Variants in NRXN3 observed in about 807,000 individuals in gnomAD.
The protein encoded by NRXN3 is neurexin 3.
A neutral mutation model predicts 137.6 loss-of-function variants in NRXN3; 32 were observed. The observed-to-expected ratio is 0.23, with a 90% CI of 0.18 to 0.31. The LOEUF (loss-of-function observed/expected upper bound fraction) is 0.31. NRXN3 is among the 10% of genes least tolerant of loss of function. The pLI, the probability that NRXN3 is intolerant of heterozygous loss-of-function variation, is 1.00. For synonymous variants in NRXN3, 798 were observed against 784.5 expected (o/e 1.02, Z -0.29); for missense variants, 1,574 against 2,062.5 (o/e 0.76, Z 4.59).
chr14:79,416,217 A>T lies in NRXN3; in HGVS notation c.3263-51004A>T, dbSNP rs117125030. Among the ~76,000 whole-genome samples the T allele has an allele frequency of 2.7e-3, 417 of 152,246 alleles. 3 individuals are homozygous for T. Among genetic ancestry groups the T allele is most frequent in the Middle Eastern group, 6.8e-3 (2 of 294 alleles). On this transcript the variant is annotated intron_variant, in intron 15 of 20. Transcript: ENST00000335750. Reference sequence around the variant, plus strand: ...ATTCTTTTCTTTTAAACCTCCTGGCAACCTTCTCTTTTGCTGCCTGGTCAA... The same window carrying T: ...ATTCTTTTCTTTTAAACCTCCTGGCTACCTTCTCTTTTGCTGCCTGGTCAA...
chr14:79,073,538 G>A (rs2099691138), intron 15 of NRXN3, among the ~76,000 whole-genome samples: 1 of 152,122 alleles, frequency 6.6e-6, no homozygotes, highest in Non-Finnish European at 1.5e-5. Context: ...TAATCTATGT[G>A]ATAGAAGTTA....
Position 79,811,581 on chromosome 14 carries a change from C to CTTTTTTTT in NRXN3, c.4093+6402_4093+6409dup, listed in dbSNP as rs370942970. Among the ~76,000 whole-genome samples the CTTTTTTTT allele has an allele frequency of 5.2e-3, 607 of 116,474 alleles. 1 individual carries two copies. Among genetic ancestry groups the CTTTTTTTT allele is most frequent in the East Asian group, 7.4e-3 (30 of 4,078 alleles). The allele number at this position is 116,474 out of a possible 152,430, so 76.4% of individuals were successfully genotyped here. On this transcript the variant is annotated intron_variant, in intron 20 of 20. Transcript: ENST00000335750. ...CACTTTCTTTTCTTTTTTCTTTTTTCTTTTTTTTTTTTTTTTTTGAGATGG... is the reference window on the plus strand; with the variant it reads ...CACTTTCTTTTCTTTTTTCTTTTTTCTTTTTTTTTTTTTTTTTTTTTTTTTTGAGATGG...
chr14:79,105,306 A>G (rs2052197462), intron 15 of NRXN3, among the ~76,000 whole-genome samples: 1 of 152,174 alleles, frequency 6.6e-6, no homozygotes, highest in Non-Finnish European at 1.5e-5. Context: ...CCAAAAAAAG[A>G]ACTTCTTCAG....
At chr14:79,522,997 C>T (rs2097082918) in intron 16 of NRXN3, among the ~76,000 whole-genome samples, 1 of 152,070 alleles carries the variant, frequency 6.6e-6, no homozygotes, top group South Asian at 2.1e-4. Context: ...TGTTTTCTTG[C>T]TTACTTGCTT....
At chr14:79,204,115 A>G (rs948964933) in intron 15 of NRXN3, among the ~76,000 whole-genome samples, 2 of 152,096 alleles carry the variant, frequency 1.3e-5, no homozygotes, top group African/African-American at 4.8e-5. Context: ...TCCCACTCAC[A>G]AGTAAGATTG....
chr14:79,621,682 T>G (rs1052483037), intron 16 of NRXN3, among the ~76,000 whole-genome samples: 16 of 152,168 alleles, frequency 1.1e-4, no homozygotes, highest in African/African-American at 3.9e-4. Context: ...TCAGAATGGC[T>G]TTGAACAATG....
At chr14:79,232,839 T>C (rs1354201413) in intron 15 of NRXN3, among the ~76,000 whole-genome samples, 1 of 152,214 alleles carries the variant, frequency 6.6e-6, no homozygotes, top group Non-Finnish European at 1.5e-5. Context: ...TAAAGTTTTC[T>C]TGTAGCACCT....
chr14:78,183,533 G>A (rs1056888305), intron 1 of NRXN3, among the ~76,000 whole-genome samples: 1 of 152,180 alleles, frequency 6.6e-6, no homozygotes, highest in African/African-American at 2.4e-5. Flanking sequence ...TGTCAATGGG[G>A]CATGATAAAA....
chr14:79,208,650 T>G (rs1340651901), intron 15 of NRXN3, among the ~76,000 whole-genome samples: 1 of 152,216 alleles, frequency 6.6e-6, no homozygotes, highest in Non-Finnish European at 1.5e-5. Flanking sequence ...ACCTATATTC[T>G]ATTGTATGAA....
chr14:79,613,640 C>T lies in NRXN3; in HGVS notation c.3445-50138C>T, dbSNP rs542505550. Among the ~76,000 whole-genome samples the T allele has an allele frequency of 2.1e-4, 32 of 152,306 alleles. No homozygotes were observed. The South Asian group carries it at 6.0e-3, about 29-fold the overall frequency. On this transcript the variant is annotated intron_variant, in intron 16 of 20. Coordinates refer to ENST00000335750, the MANE Select transcript of NRXN3 (RefSeq NM_001330195.2). ...AAAATTCCATGTGACCCAAATACTA[C>T]CAAATCCTAAAAGATTTAACTAACT... is the stretch of plus-strand genomic sequence containing the variant.
At chr14:78,195,380 C>G (rs754412237) in intron 1 of NRXN3, among the ~76,000 whole-genome samples, 1 of 152,160 alleles carries the variant, frequency 6.6e-6, no homozygotes, top group Non-Finnish European at 1.5e-5. Flanking sequence ...AGATGTAGCA[C>G]TCAAGGCACC....
At chr14:78,201,640 C>T (rs1040816290) in intron 1 of NRXN3, among the ~76,000 whole-genome samples, 12 of 152,126 alleles carry the variant, frequency 7.9e-5, no homozygotes, top group East Asian at 3.9e-4. Context: ...TGAGAGAACA[C>T]GCACAAATCT....
At chr14:78,271,572 C>CT (rs2072755429) in intron 2 of NRXN3, among the ~76,000 whole-genome samples, 1 of 152,112 alleles carries the variant, frequency 6.6e-6, no homozygotes, top group Non-Finnish European at 1.5e-5. Context: ...AACCCTGTTT[C>CT]CTCAAGCCAG....
intron 10 of NRXN3, among the ~76,000 whole-genome samples, chr14:78,917,007 C>T (rs2099257028): frequency 6.6e-6 from 1 of 152,142 alleles, no homozygotes; most frequent in East Asian, 1.9e-4. Flanking sequence ...GCCCTCATGC[C>T]ATAATTTTAA....
At chr14:79,121,779 C>T (rs563865366) in intron 15 of NRXN3, among the ~76,000 whole-genome samples, 4 of 152,304 alleles carry the variant, frequency 2.6e-5, no homozygotes, top group African/African-American at 9.6e-5. Flanking sequence ...ACATACACTT[C>T]GTGCAAATAC....
At chr14:78,571,033 A>C (rs996792342) in intron 4 of NRXN3, among the ~76,000 whole-genome samples, 1 of 152,164 alleles carries the variant, frequency 6.6e-6, no homozygotes, top group African/African-American at 2.4e-5. Context: ...AGACAGTCCC[A>C]GTTGGGCTTA....
At chr14:79,315,918 G>T (rs1020256282) in intron 15 of NRXN3, among the ~76,000 whole-genome samples, 2 of 152,188 alleles carry the variant, frequency 1.3e-5, no homozygotes, top group African/African-American at 4.8e-5. Flanking sequence ...GCGAGATATG[G>T]CCCTTTGGGG....
intron 4 of NRXN3, among the ~76,000 whole-genome samples, chr14:78,516,371 G>A (rs2096207718): frequency 6.7e-6 from 1 of 149,548 alleles, no homozygotes; most frequent in Non-Finnish European, 1.5e-5. Context: ...AGAAGGAATT[G>A]GGGCTAGGCT....
At chr14:78,372,086 G>GA (rs1217392871) in intron 4 of NRXN3, among the ~76,000 whole-genome samples, 2 of 149,948 alleles carry the variant, frequency 1.3e-5, no homozygotes, top group Non-Finnish European at 3.0e-5. Flanking sequence ...GTTTGTCTTA[G>GA]AAAAAAGCAT....
Sources: allele counts gnomAD v4.1 joint callset (sites outside exome capture counted in the v4.1 genomes callset), GRCh38; gene constraint gnomAD v4.1.1; transcripts MANE v1.5; gene names NCBI Gene and HGNC (gene_info 2026-07-23, HGNC 2026-07-21).